Variants in PDE1A observed in about 807,000 individuals in gnomAD.
The protein encoded by PDE1A is phosphodiesterase 1A.
PDE1A carries 35 observed loss-of-function variants against 61.7 expected under a neutral mutation model. The ratio of observed to expected loss-of-function variants is 0.57; its 90% CI spans 0.43 to 0.75. PDE1A has a LOEUF of 0.75. Ranked by LOEUF, PDE1A falls within the 30% of genes least tolerant of loss-of-function variation. The pLI, the probability that PDE1A is intolerant of heterozygous loss-of-function variation, is 0.00. For synonymous variants in PDE1A, 232 were observed against 213.2 expected (o/e 1.09, Z -0.77); for missense variants, 597 against 630.6 (o/e 0.95, Z 0.57).
At chr2:182,196,798 T>C (rs1459032130) in intron 10 of PDE1A, among the ~76,000 whole-genome samples, 1 of 151,948 alleles carries the variant, frequency 6.6e-6, no homozygotes, top group Non-Finnish European at 1.5e-5. Flanking sequence ...GACTGTACCA[T>C]GATTTATTTT....
the PDE1A span, among the ~76,000 whole-genome samples, chr2:182,712,897 C>G: frequency 6.6e-6 from 1 of 152,122 alleles, no homozygotes; most frequent in Non-Finnish European, 1.5e-5. Context: ...TAATGACATT[C>G]CGTTGTTTAA....
chr2:182,355,668 A>T (rs1699136226), intron 1 of PDE1A, among the ~76,000 whole-genome samples: 1 of 152,014 alleles, frequency 6.6e-6, no homozygotes, highest in African/African-American at 2.4e-5. Flanking sequence ...TTTCTAAAGC[A>T]TTTTTTTCCT....
chr2:182,268,805 A>G (rs1215861358), intron 1 of PDE1A, among the ~76,000 whole-genome samples: 1 of 152,042 alleles, frequency 6.6e-6, no homozygotes, highest in Non-Finnish European at 1.5e-5. Flanking sequence ...ATGCCTGTTC[A>G]TTGTGATCAC....
intron 2 of PDE1A, among the ~76,000 whole-genome samples, chr2:182,453,389 C>A (rs567321663): frequency 6.6e-6 from 1 of 151,552 alleles, no homozygotes; most frequent in African/African-American, 2.4e-5. Flanking sequence ...ACATGATGCC[C>A]GATTTGGTCT....
At chr2:182,480,263 A>G (rs1227554365) in intron 2 of PDE1A, among the ~76,000 whole-genome samples, 6 of 151,934 alleles carry the variant, frequency 3.9e-5, no homozygotes, top group Non-Finnish European at 5.9e-5. Flanking sequence ...CACTCATTTT[A>G]TTTAACTCCT....
At chr2:182,457,240 A>G (rs1478070337) in intron 2 of PDE1A, among the ~76,000 whole-genome samples, 1 of 151,896 alleles carries the variant, frequency 6.6e-6, no homozygotes, top group Non-Finnish European at 1.5e-5. Context: ...AAATTTTTAT[A>G]CTCTAAAATA....
chr2:182,265,285 TA>T (rs893455493), intron 1 of PDE1A, among the ~76,000 whole-genome samples: 35 of 151,874 alleles, frequency 2.3e-4, no homozygotes, highest in African/African-American at 8.0e-4. Context: ...GAAATAAAAT[TA>T]AAAGAAGACT....
At chr2:182,541,120 A>T in the PDE1A span, among the ~76,000 whole-genome samples, 1 of 152,220 alleles carries the variant, frequency 6.6e-6, no homozygotes, top group Non-Finnish European at 1.5e-5. Flanking sequence ...AGAGTTCAAA[A>T]CATATACAAC....
rs61541134 is a variant in PDE1A at position 182,191,884 on chromosome 2, T to A, written c.1126-2824A>T. Among the ~76,000 whole-genome samples the A allele has an allele frequency of 9.9e-4, 151 of 151,976 alleles. 3 individuals are homozygous for A. In the East Asian group the frequency reaches 0.024, roughly 24 times the overall value. On this transcript the variant is annotated intron_variant, in intron 10 of 13. Coordinates refer to ENST00000351439, the Ensembl canonical transcript of PDE1A. Reference sequence around the variant, plus strand: ...TTTTTTTATTTTTTTTGAGACAGTTTCGCTCTTGTTGCCCAGGCTGGAGTG... The same window carrying A: ...TTTTTTTATTTTTTTTGAGACAGTTACGCTCTTGTTGCCCAGGCTGGAGTG...
At chr2:182,242,148 C>T in intron 2 of PDE1A, 1 of 1,075,068 alleles carries the variant, frequency 9.3e-7, no homozygotes, top group Non-Finnish European at 1.2e-6. Flanking sequence ...TGACAGAAAC[C>T]TGGCTGATGG....
chr2:182,595,270 C>A, the PDE1A span, among the ~76,000 whole-genome samples: 1 of 152,092 alleles, frequency 6.6e-6, no homozygotes, highest in Non-Finnish European at 1.5e-5. Context: ...AACAATAGGA[C>A]TATATGAACA....
chr2:182,624,074 G>A, the PDE1A span, among the ~76,000 whole-genome samples: 1 of 145,114 alleles, frequency 6.9e-6, no homozygotes, highest in African/African-American at 2.5e-5. Flanking sequence ...GCAGCGAGCT[G>A]AGATCACGCC....
At chr2:182,273,537 C>T (rs994412494) in intron 1 of PDE1A, among the ~76,000 whole-genome samples, 8 of 151,740 alleles carry the variant, frequency 5.3e-5, no homozygotes, top group African/African-American at 1.2e-4. Flanking sequence ...TGAAAACAGG[C>T]ACATATTTCA....
chr2:182,189,756 T>C (rs966907889), intron 10 of PDE1A, among the ~76,000 whole-genome samples: 2 of 152,236 alleles, frequency 1.3e-5, no homozygotes, highest in African/African-American at 4.8e-5. Flanking sequence ...TTTCATCTTC[T>C]AAAACAAAGG....
At chr2:182,301,079 G>A (rs1468850171) in intron 1 of PDE1A, among the ~76,000 whole-genome samples, 1 of 152,108 alleles carries the variant, frequency 6.6e-6, no homozygotes, top group Non-Finnish European at 1.5e-5. Flanking sequence ...TATTATCCAA[G>A]GACTTGGAAA....
intron 2 of PDE1A, among the ~76,000 whole-genome samples, chr2:182,506,232 C>A (rs565225886): frequency 1.2e-4 from 18 of 152,230 alleles, no homozygotes; most frequent in Non-Finnish European, 2.4e-4. Context: ...GCAATCTGAT[C>A]GAATTCTTTT....
chr2:182,527,968 C>A (rs952217145), upstream of PDE1A, among the ~76,000 whole-genome samples: 1 of 152,078 alleles, frequency 6.6e-6, no homozygotes, highest in African/African-American at 2.4e-5. Flanking sequence ...TCCATTAAAC[C>A]GCTTTTTCTT....
chr2:182,186,390 T>A (rs1175638051), intron 12 of PDE1A, 78 bp downstream of exon 12: 10 of 1,490,302 alleles, frequency 6.7e-6, no homozygotes, highest in South Asian at 2.4e-5. Context: ...TGCCTAGATG[T>A]GAGAAATATA....
intron 1 of PDE1A, among the ~76,000 whole-genome samples, chr2:182,353,947 G>C (rs1304298822): frequency 6.6e-6 from 1 of 152,050 alleles, no homozygotes; most frequent in Non-Finnish European, 1.5e-5. Flanking sequence ...AATTTTATCA[G>C]TAAATCTATG....
Sources: gnomAD v4.1 joint callset for allele counts (sites outside exome capture counted in the v4.1 genomes callset) on GRCh38, gnomAD v4.1.1 for gene constraint, MANE v1.5 for transcripts, NCBI Gene and HGNC (gene_info 2026-07-23, HGNC 2026-07-21) for gene names.